DDX17: variants seen among roughly 807,000 people sequenced by gnomAD.
DDX17 encodes probable ATP-dependent RNA helicase DDX17.
A neutral mutation model predicts 80.8 loss-of-function variants in DDX17; 10 were observed. That is an observed-to-expected ratio of 0.12 (90% confidence interval 0.08 to 0.21). DDX17 has a LOEUF of 0.21. DDX17 is among the 10% of genes least tolerant of loss of function. DDX17 has a pLI of 1.00. For missense variants in DDX17, 586 were observed against 957.4 expected (o/e 0.61, Z 5.12); for synonymous variants, 339 against 336.2 (o/e 1.01, Z -0.09).
At chr22:38,498,772 C>T (rs1316280528) in intron 3 of DDX17, among the ~76,000 whole-genome samples, 199 bp from the exon 4 acceptor site, 1 of 152,172 alleles carries the variant, frequency 6.6e-6, no homozygotes, top group Non-Finnish European at 1.5e-5. Flanking sequence ...CGCCTGTAAT[C>T]CCATCACTTT....
intron 1 of DDX17, 60 bp from the exon 2 acceptor site, chr22:38,501,340 C>T: frequency 6.5e-7 from 1 of 1,532,648 alleles, no homozygotes; most frequent in Admixed American, 2.2e-5. Flanking sequence ...TCGTACATGC[C>T]ATAAGAATAT....
At chr22:38,505,679 C>T in intron 1 of DDX17, 1 of 437,804 alleles carries the variant, frequency 2.3e-6, no homozygotes. Flanking sequence ...GGCCGCCCCT[C>T]CCGATCCCCC....
rs981406611 is a variant in DDX17 at position 38,484,349 on chromosome 22, T to C, written c.*1586A>G. 1 of 152,304 alleles carries C rather than the reference T, an allele frequency of 6.6e-6. No homozygotes were observed. The highest frequency in any genetic ancestry group is 1.5e-5 in the Non-Finnish European group (1 of 68,050). The allele number at this position is 152,304 out of a possible 1,614,324, so 9.4% of individuals were successfully genotyped here. A position where few individuals can be genotyped will look rare whatever the true frequency, so the allele number is the denominator to read the frequency against. On this transcript the variant is annotated 3_prime_UTR_variant, in exon 13 of 13. Transcript: ENST00000403230. The stretch of plus-strand genomic sequence containing the variant: ...TATATTTCAGCTTATGCTGAAGACC[T>C]ACCTGTATGTTGCACATTGAATCAT...
chr22:38,492,969 G>C (rs2089727886), intron 10 of DDX17, among the ~76,000 whole-genome samples: 2 of 152,076 alleles, frequency 1.3e-5, no homozygotes, highest in Non-Finnish European at 2.9e-5. Context: ...TTTATAATCA[G>C]AAGGAAAAAA....
At chr22:38,497,905 T>G (rs1335254504) in intron 5 of DDX17, among the ~76,000 whole-genome samples, 180 bp downstream of exon 5, 1 of 152,242 alleles carries the variant, frequency 6.6e-6, no homozygotes, top group Admixed American at 6.5e-5. Flanking sequence ...TAAGCTCAGC[T>G]ATTCAATTGC....
At chr22:38,501,716 TATAA>T (rs1046803671) in intron 1 of DDX17, among the ~76,000 whole-genome samples, 3 of 152,252 alleles carry the variant, frequency 2.0e-5, no homozygotes, top group Non-Finnish European at 4.4e-5. Flanking sequence ...TGTAATGTAC[TATAA>T]AAGTATCTGG....
chr22:38,495,439 G>A (rs1420478267), intron 6 of DDX17, among the ~76,000 whole-genome samples: 3 of 152,078 alleles, frequency 2.0e-5, no homozygotes, highest in African/African-American at 4.8e-5. Flanking sequence ...TAGAGACGGG[G>A]TTTCACCATG....
At chr22:38,499,701 A>T (rs2089807630) in intron 2 of DDX17, among the ~76,000 whole-genome samples, 1 of 152,244 alleles carries the variant, frequency 6.6e-6, no homozygotes, top group African/African-American at 2.4e-5. Flanking sequence ...TAGGTGATTA[A>T]GAGTTCCATT....
chr22:38,498,634 T>G, intron 3 of DDX17, 61 bp from the exon 4 acceptor site: 1 of 1,578,172 alleles, frequency 6.3e-7, no homozygotes, highest in South Asian at 1.1e-5. Flanking sequence ...CAAGAGTTTT[T>G]AAAAAAACTT....
chr22:38,499,374 A>G, intron 3 of DDX17, 26 bp downstream of exon 3: 1 of 1,575,884 alleles, frequency 6.3e-7, no homozygotes, highest in Non-Finnish European at 8.7e-7. Flanking sequence ...TTAACAAATT[A>G]AGGTTCTAGA....
intron 11 of DDX17, 141 bp downstream of exon 11, chr22:38,491,915 C>T (rs753486220): frequency 1.4e-5 from 8 of 560,496 alleles, no homozygotes; most frequent in Middle Eastern, 3.0e-4. Flanking sequence ...GGGAGAATCA[C>T]GCTTTGTATT....
Position 38,489,625 on chromosome 22 carries a change from A to T in DDX17, c.1448-1510T>A. ...TTTCAAGGGAGAAAGGGGAGATTAA[A>T]AAAAAAAAATTAGCTGTTGTTACAG... On this transcript the variant is annotated intron_variant, in intron 11 of 12. Coordinates refer to ENST00000403230, the MANE Select transcript of DDX17 (RefSeq NM_006386.5). This position sits in a 1 kb window ranked among gnomAD's most constrained non-coding sequence, Gnocchi z 4.6. 1.0e-6 allele frequency: 1 copy of T among 984,696 alleles called. No homozygotes were observed. The highest frequency in any genetic ancestry group is 1.2e-6 in the Non-Finnish European group (1 of 829,288). 61.0% of individuals were successfully genotyped at this position (984,696 alleles called of 1,614,324 possible).
chr22:38,485,949 G>A lies in DDX17; in HGVS notation c.2176C>T (p.Pro726Ser), dbSNP rs1191047115. 3.1e-6 allele frequency: 5 copies of A among 1,613,436 alleles called. No individual in the cohort carries two copies. Among genetic ancestry groups the A allele is most frequent in the African/African-American group, 1.3e-5 (1 of 74,848 alleles). The change falls in exon 13 of 13, where the codon CCT (proline) becomes TCT (serine). Residue 726 changes from proline to serine, a missense_variant. This residue lies in a region of DDX17 where 221 missense variants were observed against 261.4 expected (regional missense o/e 0.85). Coordinates refer to ENST00000403230, the MANE Select transcript of DDX17 (RefSeq NM_006386.5). ...CTTGAGTGGTTTCATTTACGTGAAG[G>A]AGGAGGAGGGGGAGGAGGAGGAGGG...
rs772669742 is a variant in DDX17, at chr22:38,487,859, A to G, written c.1684+20T>C. ...GAGATACCTTGGCAGTACCTGGAAAACTCCAGGACTTACCCTTACCCCCGC... is the reference window on the plus strand; with the variant it reads ...GAGATACCTTGGCAGTACCTGGAAAGCTCCAGGACTTACCCTTACCCCCGC... On this transcript the variant is annotated intron_variant, in intron 12 of 12. Coordinates refer to ENST00000403230, the MANE Select transcript of DDX17 (RefSeq NM_006386.5). The G allele has an allele frequency of 6.2e-7, 1 of 1,613,234 alleles. No individual in the cohort carries two copies. Among genetic ancestry groups the G allele is most frequent in the Non-Finnish European group, 8.5e-7 (1 of 1,179,636 alleles).
chr22:38,502,893 C>G (rs773952752), intron 1 of DDX17, among the ~76,000 whole-genome samples: 5 of 152,186 alleles, frequency 3.3e-5, no homozygotes, highest in African/African-American at 4.8e-5. Flanking sequence ...CATTGATAGG[C>G]AAGTAGGTGT....
chr22:38,490,461 A>G (rs977679823), intron 11 of DDX17: 2 of 1,288,164 alleles, frequency 1.6e-6, no homozygotes, highest in Admixed American at 2.3e-5. Context: ...AACAAAATAA[A>G]TTCAATACTT....
rs543958615 is a variant in DDX17 at position 38,489,117 on chromosome 22, T to G, written c.1448-1002A>C. 1.0e-6 allele frequency: 1 copy of G among 984,458 alleles called. No homozygotes were observed. The highest frequency in any genetic ancestry group is 1.1e-4 in the East Asian group (1 of 8,812). 61.0% of individuals were successfully genotyped at this position (984,458 alleles called of 1,614,324 possible). A position where few individuals can be genotyped will look rare whatever the true frequency, so the allele number is the denominator to read the frequency against. ...AGAATATAACAAAGAATCCTACTGT[T>G]TTGTGGAAAAAAATCTGCATTTTAC... On this transcript the variant is annotated intron_variant, in intron 11 of 12. Transcript: ENST00000403230. This position sits in a 1 kb window ranked among gnomAD's most constrained non-coding sequence, Gnocchi z 4.6.
intron 11 of DDX17, 40 bp downstream of exon 11, chr22:38,492,016 G>A (rs758034367): frequency 7.1e-7 from 1 of 1,412,140 alleles, no homozygotes; most frequent in Admixed American, 2.3e-5. Context: ...TAAACCAAAA[G>A]ATACATATAC....
chr22:38,488,288 A>G (rs1569137385), intron 11 of DDX17, 173 bp from the exon 12 acceptor site: 6 of 1,507,590 alleles, frequency 4.0e-6, no homozygotes, highest in Non-Finnish European at 5.3e-6. Context: ...CAACAGAGTA[A>G]AAGAGGATTA....
Sources: gnomAD v4.1 joint callset for allele counts (sites outside exome capture counted in the v4.1 genomes callset) on GRCh38, gnomAD v4.1.1 for gene constraint, gnomAD v4.1.1 regional missense constraint, Gnocchi (gnomAD v3.1) non-coding constraint, MANE v1.5 for transcripts, NCBI Gene and HGNC (gene_info 2026-07-23, HGNC 2026-07-21) for gene names.